The following CERS6 variants were observed in gnomAD, a reference collection of about 807,000 sequenced individuals.
The protein encoded by CERS6 is ceramide synthase 6.
In CERS6, 26 loss-of-function variants were observed where a neutral mutation model predicts 56.8. The observed-to-expected ratio is 0.46, with a 90% CI of 0.34 to 0.63. CERS6 has a LOEUF of 0.63. CERS6 is among the 30% of genes least tolerant of loss of function. The pLI, the probability that CERS6 is intolerant of heterozygous loss-of-function variation, is 0.01. For synonymous variants in CERS6, 164 were observed against 173.3 expected, an observed-to-expected ratio of 0.95 and a Z score of 0.42; for missense variants, 415 against 467.5, an observed-to-expected ratio of 0.89 and a Z score of 1.04.
chr2:168,710,657 G>A (rs1687067107), intron 6 of CERS6, among the ~76,000 whole-genome samples: 1 of 152,224 alleles, frequency 6.6e-6, no homozygotes, highest in South Asian at 2.1e-4. Flanking sequence ...AGTGGAAAAT[G>A]TTATCAGTGC....
chr2:168,632,905 T>C (rs1684779756), intron 4 of CERS6, among the ~76,000 whole-genome samples: 1 of 152,130 alleles, frequency 6.6e-6, no homozygotes, highest in Admixed American at 6.6e-5. Flanking sequence ...CTGCTGGATA[T>C]AGCCTCTCTA....
chr2:168,773,891 A>T lies in CERS6; in HGVS notation c.*4229A>T, dbSNP rs946245617. Reference sequence around the variant, plus strand: ...TCCCCACCCCTAGGGGGCACTCAGTAGCTGCTGAGAAGGCCTGTCCACGAG... The same window carrying T: ...TCCCCACCCCTAGGGGGCACTCAGTTGCTGCTGAGAAGGCCTGTCCACGAG... On this transcript the variant is annotated 3_prime_UTR_variant, in exon 10 of 10. Coordinates refer to ENST00000305747, the MANE Select transcript of CERS6 (RefSeq NM_203463.3). The T allele has an allele frequency of 1.3e-5, 2 of 152,262 alleles. No homozygotes were observed. The highest frequency in any genetic ancestry group is 4.8e-5 in the African/African-American group (2 of 41,460). 9.4% of individuals were successfully genotyped at this position (152,262 alleles called of 1,614,324 possible).
At chr2:168,529,314 T>TA in intron 1 of CERS6, among the ~76,000 whole-genome samples, 1 of 152,330 alleles carries the variant, frequency 6.6e-6, no homozygotes, top group South Asian at 2.1e-4. Flanking sequence ...TTTAGCATAC[T>TA]AAGAGACCAT....
intron 8 of CERS6, among the ~76,000 whole-genome samples, chr2:168,724,889 G>A (rs1056236825): frequency 1.1e-4 from 16 of 152,214 alleles, no homozygotes; most frequent in African/African-American, 2.7e-4. Flanking sequence ...GTCCAGCGCC[G>A]TGTGCCTGCA....
rs1049480039 is a variant in CERS6, at chr2:168,764,596, C to G, written c.846-996C>G. 2.0e-5 allele frequency among the ~76,000 whole-genome samples: 3 copies of G among 152,112 alleles called. No homozygotes were observed. The South Asian group carries it at 6.2e-4, about 32-fold the overall frequency. ...AATGACTCTCCTACTAGATATAAGCCTAGGTCTCACTCATATTCTCACTTC... is the reference window on the plus strand; with the variant it reads ...AATGACTCTCCTACTAGATATAAGCGTAGGTCTCACTCATATTCTCACTTC... On this transcript the variant is annotated intron_variant, in intron 8 of 9. Transcript: ENST00000305747.
chr2:168,488,661 C>A (rs193069512), intron 1 of CERS6, among the ~76,000 whole-genome samples: 9 of 152,060 alleles, frequency 5.9e-5, no homozygotes, highest in Admixed American at 5.9e-4. Context: ...TTATTTGAAT[C>A]TTTTTAGCAT....
At chr2:168,571,811 T>A (rs542718853) in intron 3 of CERS6, among the ~76,000 whole-genome samples, 2 of 152,358 alleles carry the variant, frequency 1.3e-5, no homozygotes, top group East Asian at 3.9e-4. Context: ...TCCTTTGCGT[T>A]ACAAACAATC....
rs193096353 is a variant in CERS6, at chr2:168,570,844, G to A, written c.407+9522G>A. Among the ~76,000 whole-genome samples the A allele has an allele frequency of 2.6e-4, 39 of 152,236 alleles. No homozygotes were observed. The East Asian group carries it at 5.2e-3, about 20-fold the overall frequency. ...AAAGTCATTTGGGATTAAGTGAGGG[G>A]ATGTTTGTCTAATGTGCATCTCTCA... is the stretch of plus-strand genomic sequence containing the variant. On this transcript the variant is annotated intron_variant, in intron 3 of 9. Coordinates refer to ENST00000305747, the MANE Select transcript of CERS6 (RefSeq NM_203463.3).
intron 8 of CERS6, among the ~76,000 whole-genome samples, chr2:168,764,384 C>T (rs10469700): frequency 0.027 from 4,032 of 152,126 alleles, 183 homozygotes; most frequent in African/African-American, 0.092. Flanking sequence ...CCTCGTGATC[C>T]GCCCACCTCG....
chr2:168,718,899 T>G (rs1012450671), intron 8 of CERS6, among the ~76,000 whole-genome samples: 2 of 152,086 alleles, frequency 1.3e-5, no homozygotes, highest in Non-Finnish European at 2.9e-5. Flanking sequence ...AGAGGCAGAG[T>G]CAGAAAAAGA....
intron 9 of CERS6, among the ~76,000 whole-genome samples, chr2:168,767,280 T>C (rs1670864833): frequency 6.6e-6 from 1 of 152,252 alleles, no homozygotes. Context: ...TGAGTTATTT[T>C]CCTCTGGGCT....
intron 4 of CERS6, among the ~76,000 whole-genome samples, chr2:168,654,170 G>A (rs1411263792): frequency 6.6e-6 from 1 of 152,148 alleles, no homozygotes; most frequent in Non-Finnish European, 1.5e-5. Context: ...TTTGTTTTTA[G>A]TTATTAAAAT....
At chr2:168,629,017 T>A (rs6722396) in intron 3 of CERS6, among the ~76,000 whole-genome samples, 95,481 of 151,932 alleles carry the variant, frequency 0.63, 32,299 homozygotes, top group Middle Eastern at 0.77. Context: ...GAAGTGCTTT[T>A]TCAAGTTGCA....
chr2:168,674,728 G>A (rs1686010528), intron 4 of CERS6, among the ~76,000 whole-genome samples: 1 of 152,140 alleles, frequency 6.6e-6, no homozygotes, highest in Admixed American at 6.5e-5. Flanking sequence ...AATGGCCTAG[G>A]CCAGCAGAGC....
chr2:168,505,079 A>G (rs922218762), intron 1 of CERS6, among the ~76,000 whole-genome samples: 1 of 152,128 alleles, frequency 6.6e-6, no homozygotes, highest in Non-Finnish European at 1.5e-5. Context: ...CTAATGAGAA[A>G]AAGAAATATG....
intron 3 of CERS6, among the ~76,000 whole-genome samples, chr2:168,608,076 C>T (rs184633452): frequency 6.6e-6 from 1 of 152,304 alleles, no homozygotes; most frequent in East Asian, 1.9e-4. Context: ...CAGGCAACCA[C>T]CACTAATCTA....
In CERS6 at chr2:168,631,550, T is replaced by TTATATATTAAATATATATA. The variant is rs1684722845; in HGVS notation, c.465+509_465+510insATATATTAAATATATATAT. Among the ~76,000 whole-genome samples, 42 of 48,770 alleles carry TTATATATTAAATATATATA rather than the reference T, an allele frequency of 8.6e-4. 4 individuals are homozygous for TTATATATTAAATATATATA. The highest frequency in any genetic ancestry group is 3.2e-3 in the African/African-American group (39 of 12,064). 32.0% of individuals were successfully genotyped at this position (48,770 alleles called of 152,430 possible). On this transcript the variant is annotated intron_variant, in intron 4 of 9. Transcript: ENST00000305747. ...TAAATACATATTAAATATATTATAT[T>TTATATATTAAATATATATA]TTTAATATTTATATATTAAATATAA...
chr2:168,662,442 G>A (rs2105329838), intron 4 of CERS6, among the ~76,000 whole-genome samples: 1 of 152,160 alleles, frequency 6.6e-6, no homozygotes, highest in East Asian at 1.9e-4. Flanking sequence ...AAAGACCCTG[G>A]AAAGGGCCAG....
At chr2:168,577,261 T>C (rs575754842) in intron 3 of CERS6, among the ~76,000 whole-genome samples, 9 of 151,088 alleles carry the variant, frequency 6.0e-5, no homozygotes, top group Admixed American at 5.3e-4. Context: ...GATAGGTGAG[T>C]GAGGAGGCCA....
Sources: gnomAD v4.1 joint callset for allele counts (sites outside exome capture counted in the v4.1 genomes callset) on GRCh38, gnomAD v4.1.1 for gene constraint, MANE v1.5 for transcripts, NCBI Gene and HGNC (gene_info 2026-07-23, HGNC 2026-07-21) for gene names.